Variants in LY96 observed in about 807,000 individuals in gnomAD.
LY96 encodes the protein lymphocyte antigen 96.
In LY96, 18 loss-of-function variants were observed where a neutral mutation model predicts 18.9. The ratio of observed to expected loss-of-function variants is 0.95; its 90% CI spans 0.66 to 1.41. The LOEUF is 1.41. Among genes scored for constraint, LY96 ranks in the 40% most tolerant of loss-of-function variants. The probability of loss-of-function intolerance (pLI) is 0.00; values close to 1 mark genes in which losing one functional copy is unlikely to be tolerated. For synonymous variants in LY96, 66 were observed against 62.6 expected (o/e 1.06, Z -0.26); for missense variants, 175 against 182.4 (o/e 0.96, Z 0.23).
intron 4 of LY96, 110 bp downstream of exon 4, chr8:74,026,951 TTA>T: frequency 3.1e-6 from 2 of 639,526 alleles, no homozygotes; most frequent in Non-Finnish European, 5.6e-6. Flanking sequence ...TTTTTTTTTT[TTA>T]AATGGGATCT....
At chr8:74,074,406 C>T in the LY96 span, among the ~76,000 whole-genome samples, 3 of 151,774 alleles carry the variant, frequency 2.0e-5, no homozygotes, top group African/African-American at 7.3e-5. Flanking sequence ...CTTTTTCTTT[C>T]TTTTTTAAAA....
intron 2 of LY96, among the ~76,000 whole-genome samples, chr8:74,008,499 G>A (rs1816462734): frequency 6.6e-6 from 1 of 152,202 alleles, no homozygotes; most frequent in South Asian, 2.1e-4. Context: ...CCTGAAAGTT[G>A]AGAAGTGAAG....
At chr8:74,026,750 G>C in intron 3 of LY96, 39 bp from the exon 4 acceptor site, 1 of 1,204,608 alleles carries the variant, frequency 8.3e-7, no homozygotes, top group Non-Finnish European at 1.2e-6. Flanking sequence ...TCACCTAACC[G>C]TGACCAATAA....
the LY96 span, among the ~76,000 whole-genome samples, chr8:74,094,049 C>T: frequency 3.3e-5 from 5 of 151,868 alleles, no homozygotes; most frequent in South Asian, 2.1e-4. Flanking sequence ...ATTATGAAAA[C>T]ACAGTTTGGG....
Position 73,996,365 on chromosome 8 carries a change from CTTCA to C in LY96, c.112+4815_112+4818del, listed in dbSNP as rs1169558035. Among the ~76,000 whole-genome samples the C allele has an allele frequency of 2.9e-3, 343 of 120,090 alleles. 7 individuals carry two copies. The highest frequency in any genetic ancestry group is 4.1e-3 in the Middle Eastern group (1 of 244). The allele number at this position is 120,090 out of a possible 152,430, so 78.8% of individuals were successfully genotyped here. A position where few individuals can be genotyped will look rare whatever the true frequency, so the allele number is the denominator to read the frequency against. ...CCTTCCTTCCTTCCTTCCTTCCTTC[CTTCA>C]TTCCTTTCTTTCTTTCTTTCTTTCT... On this transcript the variant is annotated intron_variant, in intron 1 of 4. Transcript: ENST00000284818.
the LY96 span, among the ~76,000 whole-genome samples, chr8:74,081,048 T>TAC: frequency 0.011 from 1,049 of 96,842 alleles, 31 homozygotes; most frequent in African/African-American, 0.043. Context: ...CTTTCTTTCT[T>TAC]TTTCTTTCTT....
chr8:74,013,075 G>A (rs1267887742), intron 3 of LY96, among the ~76,000 whole-genome samples: 1 of 151,918 alleles, frequency 6.6e-6, no homozygotes, highest in Non-Finnish European at 1.5e-5. Flanking sequence ...TCTAGTCACA[G>A]CCTCCTGAGT....
intron 1 of LY96, among the ~76,000 whole-genome samples, chr8:73,993,731 C>T (rs942475128): frequency 1.3e-5 from 2 of 152,160 alleles, no homozygotes; most frequent in African/African-American, 4.8e-5. Context: ...GCGTGAGCCA[C>T]CGCAGCTGGC....
chr8:74,042,006 G>C, the LY96 span, among the ~76,000 whole-genome samples: 1 of 152,108 alleles, frequency 6.6e-6, no homozygotes, highest in African/African-American at 2.4e-5. Flanking sequence ...CTCCTGATAT[G>C]TGATGTCACC....
Position 73,991,437 on chromosome 8 carries a change from T to A in LY96, c.-6T>A. The A allele has an allele frequency of 6.7e-7, 1 of 1,494,784 alleles. No homozygotes were observed. The highest frequency in any genetic ancestry group is 9.3e-7 in the Non-Finnish European group (1 of 1,071,594). 92.6% of individuals were successfully genotyped at this position (1,494,784 alleles called of 1,614,324 possible). A position where few individuals can be genotyped will look rare whatever the true frequency, so the allele number is the denominator to read the frequency against. Reference sequence around the variant, plus strand: ...TGCATTTGTAAAGCTTTGGAGATATTGAATCATGTTACCATTTCTGTTTTT... The same window carrying A: ...TGCATTTGTAAAGCTTTGGAGATATAGAATCATGTTACCATTTCTGTTTTT... On this transcript the variant is annotated 5_prime_UTR_variant, in exon 1 of 5. Transcript: ENST00000284818.
the LY96 span, among the ~76,000 whole-genome samples, chr8:74,036,999 T>C: frequency 2.0e-5 from 3 of 152,220 alleles, no homozygotes; most frequent in Non-Finnish European, 2.9e-5. Context: ...TCTTCTTATA[T>C]GCTTGATGTT....
the LY96 span, among the ~76,000 whole-genome samples, chr8:74,061,236 G>A: frequency 9.2e-5 from 14 of 152,288 alleles, no homozygotes; most frequent in African/African-American, 3.4e-4. Flanking sequence ...GCCTTTGGGA[G>A]GTAATTAGGT....
the LY96 span, among the ~76,000 whole-genome samples, chr8:74,054,624 C>T: frequency 7.0e-3 from 628 of 89,160 alleles, 8 homozygotes; most frequent in African/African-American, 0.029. Context: ...TTCCTTCTTT[C>T]TTTCTTTCTT....
chr8:74,076,130 A>G, the LY96 span, among the ~76,000 whole-genome samples: 4 of 151,936 alleles, frequency 2.6e-5, no homozygotes, highest in Non-Finnish European at 4.4e-5. Context: ...TCAGCAGCTG[A>G]TGCTGACCTT....
At chr8:74,063,519 C>T in the LY96 span, among the ~76,000 whole-genome samples, 2 of 151,982 alleles carry the variant, frequency 1.3e-5, no homozygotes, top group Non-Finnish European at 2.9e-5. Context: ...ATTTGAATTA[C>T]AAATATTTTC....
intron 3 of LY96, among the ~76,000 whole-genome samples, chr8:74,014,789 A>T (rs1816606915): frequency 6.6e-6 from 1 of 151,412 alleles, no homozygotes; most frequent in South Asian, 2.1e-4. Context: ...ATAAAGTAAA[A>T]GTTACCCATA....
At chr8:74,075,136 A>G in the LY96 span, among the ~76,000 whole-genome samples, 1 of 152,168 alleles carries the variant, frequency 6.6e-6, no homozygotes, top group African/African-American at 2.4e-5. Context: ...TTTAGCTCTA[A>G]TATTTGCTTT....
At chr8:74,039,422 G>T in the LY96 span, among the ~76,000 whole-genome samples, 1 of 152,082 alleles carries the variant, frequency 6.6e-6, no homozygotes, top group East Asian at 1.9e-4. Context: ...CTCCCCGTGT[G>T]CGGACATGAG....
the LY96 span, among the ~76,000 whole-genome samples, chr8:74,090,084 G>A: frequency 6.6e-6 from 1 of 152,150 alleles, no homozygotes; most frequent in Non-Finnish European, 1.5e-5. Flanking sequence ...TTTGTGGTCT[G>A]ACTTACGTTT....
Sources: gnomAD v4.1 joint callset for allele counts (sites outside exome capture counted in the v4.1 genomes callset) on GRCh38, gnomAD v4.1.1 for gene constraint, MANE v1.5 for transcripts, NCBI Gene and HGNC (gene_info 2026-07-23, HGNC 2026-07-21) for gene names.